The following PCDHA6 variants were observed in gnomAD, a reference collection of about 807,000 sequenced individuals.
PCDHA6 encodes protocadherin alpha 6, also known as protocadherin alpha-6.
PCDHA6 carries 55 observed loss-of-function variants against 60.3 expected under a neutral mutation model. The observed-to-expected ratio is 0.91, with a 90% CI of 0.73 to 1.14. PCDHA6 has a LOEUF of 1.14. Ranked by LOEUF, PCDHA6 falls within the 50% of genes most tolerant of loss-of-function variation. The pLI is 0.00. For missense variants in PCDHA6, 1,327 were observed against 1,256.5 expected (o/e 1.06, Z -0.85); for synonymous variants, 652 against 557.9 (o/e 1.17, Z -2.38).
At chr5:140,876,894 C>G in intron 1 of PCDHA6, 2 of 1,614,132 alleles carry the variant, frequency 1.2e-6, no homozygotes, top group Non-Finnish European at 1.7e-6. Context: ...GCTGCCACAT[C>G]TTCACGGTGT....
rs376607115 is a variant in PCDHA6 at position 141,006,474 on chromosome 5, A to G, written c.2543-3153A>G. Among the ~76,000 whole-genome samples, 193 of 152,188 alleles carry G rather than the reference A, an allele frequency of 1.3e-3. 1 individual carries two copies. The highest frequency in any genetic ancestry group is 4.5e-3 in the African/African-American group (185 of 41,520). ...GAGATCTGCCTGTCTCGGCCTCCCA[A>G]AGTGCTGGGATTACATGTGTGAGCC... On this transcript the variant is annotated intron_variant, in intron 3 of 3. Transcript: ENST00000529310.
chr5:140,900,022 T>C (rs1554188836), intron 1 of PCDHA6, among the ~76,000 whole-genome samples: 1 of 152,044 alleles, frequency 6.6e-6, no homozygotes, highest in African/African-American at 2.4e-5. Flanking sequence ...GTTACCCAGT[T>C]TGGCCTTGAA....
rs570001791 is a variant in PCDHA6, at chr5:140,924,660, C to T, written c.2395-54289C>T. Among the ~76,000 whole-genome samples the T allele has an allele frequency of 2.5e-3, 382 of 152,090 alleles. 1 individual carries two copies. Among genetic ancestry groups the T allele is most frequent in the South Asian group, 8.9e-3 (43 of 4,822 alleles). Reference sequence around the variant, plus strand: ...CTGTAATCCCAGCACTTTGGGAGGCCGAGGCAGGCCAATCACTTGAGGTCA... The same window carrying T: ...CTGTAATCCCAGCACTTTGGGAGGCTGAGGCAGGCCAATCACTTGAGGTCA... On this transcript the variant is annotated intron_variant, in intron 1 of 3. Coordinates refer to ENST00000529310, the MANE Select transcript of PCDHA6 (RefSeq NM_018909.4).
intron 1 of PCDHA6, chr5:140,853,187 G>A: frequency 1.0e-6 from 1 of 979,936 alleles, no homozygotes; most frequent in Non-Finnish European, 1.2e-6. Flanking sequence ...CCTAAAATGT[G>A]TTCTTTATTA....
At chr5:140,854,994 G>A (rs1261400565) in intron 1 of PCDHA6, among the ~76,000 whole-genome samples, 3 of 149,538 alleles carry the variant, frequency 2.0e-5, no homozygotes, top group Non-Finnish European at 4.5e-5. Context: ...CTTTTTGCCC[G>A]TGTAAGATAT....
At chr5:140,968,862 G>C (rs375652776) in intron 1 of PCDHA6, 3 of 1,614,126 alleles carry the variant, frequency 1.9e-6, no homozygotes, top group Middle Eastern at 1.7e-4. Context: ...AAGAGCCCTC[G>C]GACATACTCT....
At chr5:141,007,227 A>G (rs1458505596) in intron 3 of PCDHA6, among the ~76,000 whole-genome samples, 1 of 151,972 alleles carries the variant, frequency 6.6e-6, no homozygotes, top group Non-Finnish European at 1.5e-5. Flanking sequence ...CAAAATAAGA[A>G]GGATTGTTGA....
intron 1 of PCDHA6, among the ~76,000 whole-genome samples, chr5:140,832,632 C>T (rs1197058685): frequency 1.3e-5 from 2 of 151,992 alleles, no homozygotes; most frequent in Admixed American, 6.6e-5. Context: ...TAAAAAGTTC[C>T]TAGGAGGGTC....
intron 1 of PCDHA6, chr5:140,855,964 T>A: frequency 7.1e-7 from 1 of 1,408,442 alleles, no homozygotes; most frequent in Non-Finnish European, 9.6e-7. Context: ...AAAAAATAGA[T>A]ATAAGAAATA....
intron 1 of PCDHA6, among the ~76,000 whole-genome samples, chr5:140,974,639 G>A (rs896104665): frequency 2.0e-5 from 3 of 152,198 alleles, no homozygotes; most frequent in African/African-American, 7.2e-5. Context: ...AACCTCCCGA[G>A]TAGCTGAGAT....
intron 1 of PCDHA6, among the ~76,000 whole-genome samples, chr5:140,937,621 GAAAA>G (rs1276369305): frequency 1.4e-5 from 2 of 142,038 alleles, no homozygotes; most frequent in Non-Finnish European, 3.1e-5. Context: ...CATCTAAAAA[GAAAA>G]AGAAAGGCAG....
At chr5:140,904,560 T>G (rs2071228381) in intron 1 of PCDHA6, among the ~76,000 whole-genome samples, 1 of 152,102 alleles carries the variant, frequency 6.6e-6, no homozygotes, top group African/African-American at 2.4e-5. Flanking sequence ...AATGACTTTT[T>G]TTTCCTCTGG....
At chr5:140,967,207 T>G (rs376266648) in intron 1 of PCDHA6, 16 of 1,613,648 alleles carry the variant, frequency 9.9e-6, no homozygotes, top group Non-Finnish European at 1.1e-5. Flanking sequence ...ACTCACCGCG[T>G]TTCCCGCGGC....
At chr5:140,966,654 T>C in intron 1 of PCDHA6, 1 of 1,185,100 alleles carries the variant, frequency 8.4e-7, no homozygotes, top group Non-Finnish European at 1.1e-6. Flanking sequence ...GCGTGAGCGG[T>C]GGGGGAGCAG....
At chr5:140,869,986 G>T (rs781968863) in intron 1 of PCDHA6, 4 of 1,613,322 alleles carry the variant, frequency 2.5e-6, no homozygotes, top group Admixed American at 1.7e-5. Context: ...ATTTACACTA[G>T]ATCAAAATAA....
At position 140,848,656 on chromosome 5, in the gene PCDHA6, TGGAGCTGGC is replaced by T. The variant is rs2150416289; in HGVS notation, c.2394+18180_2394+18188del. 5 of 1,592,712 alleles carry T rather than the reference TGGAGCTGGC, an allele frequency of 3.1e-6. 1 individual carries two copies. Among genetic ancestry groups the T allele is most frequent in the Admixed American group, 3.4e-5 (2 of 59,208 alleles). ...GGCCGCATCGCGCAGGACCTGGGGC[TGGAGCTGGC>T]GGAGCTGGTGCCGCGCCTGTTCCAG... On this transcript the variant is annotated intron_variant, in intron 1 of 3. Coordinates refer to ENST00000529310, the MANE Select transcript of PCDHA6 (RefSeq NM_018909.4).
At chr5:140,836,587 T>G in intron 1 of PCDHA6, 1 of 1,613,734 alleles carries the variant, frequency 6.2e-7, no homozygotes, top group Non-Finnish European at 8.5e-7. Context: ...TGTAGTTTGG[T>G]AAAGCCCACT....
rs1769868175 is a variant in PCDHA6 at position 140,828,642 on chromosome 5, T to C, written c.551T>C (p.Ile184Thr). The C allele has an allele frequency of 6.2e-7, 1 of 1,614,010 alleles. No individual in the cohort carries two copies. Among genetic ancestry groups the C allele is most frequent in the Non-Finnish European group, 8.5e-7 (1 of 1,180,046 alleles). The change falls in exon 1 of 4, where the codon ATA becomes ACA. Residue 184 changes from isoleucine (I) to threonine (T), a missense_variant. By Grantham distance (89) the Ile-to-Thr change is moderately conservative (BLOSUM62 -1). Coordinates refer to ENST00000529310, the MANE Select transcript of PCDHA6 (RefSeq NM_018909.4). Reference protein sequence around the residue: ...SSEYFGLDVKINSDDNKQIGL... With the variant: ...SSEYFGLDVKTNSDDNKQIGL... ...GAATACTTCGGGCTAGATGTGAAAA[T>C]AAACAGTGATGACAATAAACAAATT...
intron 1 of PCDHA6, among the ~76,000 whole-genome samples, chr5:140,912,063 A>C (rs1458411803): frequency 6.6e-6 from 1 of 152,214 alleles, no homozygotes; most frequent in Non-Finnish European, 1.5e-5. Context: ...CTTGGAGTCC[A>C]ATGTTCAAGG....
Sources: allele counts gnomAD v4.1 joint callset (sites outside exome capture counted in the v4.1 genomes callset), GRCh38; gene constraint gnomAD v4.1.1; transcripts MANE v1.5; gene names NCBI Gene and HGNC (gene_info 2026-07-23, HGNC 2026-07-21).